The following FOXP2 variants were observed in gnomAD, a reference collection of about 807,000 sequenced individuals.
FOXP2 encodes the protein forkhead box P2, also known as forkhead box protein P2.
FOXP2 carries 12 observed loss-of-function variants against 115.8 expected under a neutral mutation model. The ratio of observed to expected loss-of-function variants is 0.10; its 90% CI spans 0.07 to 0.17. FOXP2 has a LOEUF of 0.17. Among genes scored for constraint, FOXP2 ranks in the 10% least tolerant of loss-of-function variants. The pLI is 1.00. For synonymous variants in FOXP2, 328 were observed against 297.7 expected (o/e 1.10, Z -1.05); for missense variants, 629 against 843.5 (o/e 0.75, Z 3.15).
intron 7 of FOXP2, among the ~76,000 whole-genome samples, chr7:114,643,452 G>A (rs1029450161): frequency 1.3e-5 from 2 of 151,996 alleles, no homozygotes; most frequent in Non-Finnish European, 2.9e-5. Flanking sequence ...GATGAAATAA[G>A]TAAATATATA....
chr7:114,146,344 A>G (rs1300703721), intron 1 of FOXP2, among the ~76,000 whole-genome samples: 1 of 152,250 alleles, frequency 6.6e-6, no homozygotes, highest in African/African-American at 2.4e-5. Context: ...TTTCCCTGAC[A>G]TATGACCCCG....
At chr7:114,434,948 G>C (rs1248601828) in intron 2 of FOXP2, among the ~76,000 whole-genome samples, 1 of 152,034 alleles carries the variant, frequency 6.6e-6, no homozygotes, top group Non-Finnish European at 1.5e-5. Flanking sequence ...GGCTCATGGA[G>C]AACCCAACCA....
intron 2 of FOXP2, among the ~76,000 whole-genome samples, chr7:114,473,914 G>A (rs1044785308): frequency 1.3e-5 from 2 of 151,798 alleles, no homozygotes; most frequent in African/African-American, 4.8e-5. Flanking sequence ...CTGAATGTCT[G>A]TAACAACAAC....
At chr7:114,633,647 T>G (rs1805044797) in intron 6 of FOXP2, among the ~76,000 whole-genome samples, 2 of 152,294 alleles carry the variant, frequency 1.3e-5, no homozygotes, top group South Asian at 4.1e-4. Flanking sequence ...ATTGTCTTGT[T>G]TTTTACGATT....
chr7:114,465,304 T>A (rs976273423), intron 2 of FOXP2, among the ~76,000 whole-genome samples: 6 of 152,108 alleles, frequency 3.9e-5, no homozygotes, highest in African/African-American at 1.4e-4. Context: ...AACTATTTTA[T>A]GAAAGAGAAT....
chr7:114,435,751 C>T (rs925167882), intron 2 of FOXP2, among the ~76,000 whole-genome samples: 2 of 152,110 alleles, frequency 1.3e-5, no homozygotes, highest in Non-Finnish European at 2.9e-5. Context: ...GTTGGCCAGG[C>T]TTGTCTCGAG....
At chr7:114,203,721 T>G (rs1297089627) in intron 1 of FOXP2, among the ~76,000 whole-genome samples, 1 of 152,206 alleles carries the variant, frequency 6.6e-6, no homozygotes, top group Non-Finnish European at 1.5e-5. Flanking sequence ...TCTTTTCTCC[T>G]TTCTACTGTT....
At position 114,213,624 on chromosome 7, in the gene FOXP2, A is replaced by G. The variant is rs184068849; in HGVS notation, c.-102+50536A>G. Among the ~76,000 whole-genome samples, 227 of 152,244 alleles carry G rather than the reference A, an allele frequency of 1.5e-3. 1 individual carries two copies. Among genetic ancestry groups the G allele is most frequent in the Middle Eastern group, 3.4e-3 (1 of 294 alleles). Reference sequence around the variant, plus strand: ...ATGTTTATAGCAATTTGAATTTGTCATTTTAAAAACTAAGTATTACTTCTG... The same window carrying G: ...ATGTTTATAGCAATTTGAATTTGTCGTTTTAAAAACTAAGTATTACTTCTG... On this transcript the variant is annotated intron_variant, in intron 1 of 17. Coordinates refer to the FOXP2 transcript ENST00000634411.
chr7:114,637,175 T>G (rs897034630), intron 6 of FOXP2, among the ~76,000 whole-genome samples: 2 of 152,258 alleles, frequency 1.3e-5, no homozygotes, highest in South Asian at 4.1e-4. Flanking sequence ...TAAGAATTAT[T>G]ATTAAGTTGT....
chr7:114,097,621 T>C (rs1318142583), intron 1 of FOXP2, among the ~76,000 whole-genome samples: 1 of 152,184 alleles, frequency 6.6e-6, no homozygotes, highest in African/African-American at 2.4e-5. Flanking sequence ...GTTAATACTT[T>C]CTAAGAATTT....
chr7:114,197,868 AT>A (rs767425079), intron 1 of FOXP2, among the ~76,000 whole-genome samples: 3,881 of 140,996 alleles, frequency 0.028, 51 homozygotes, highest in Middle Eastern at 0.046. Flanking sequence ...TTAATTTTTG[AT>A]TTTTTTTTTT....
chr7:114,533,434 A>G (rs1313147486), intron 2 of FOXP2, among the ~76,000 whole-genome samples: 1 of 151,934 alleles, frequency 6.6e-6, no homozygotes, highest in Non-Finnish European at 1.5e-5. Flanking sequence ...ACCAGCTGGC[A>G]GTGTAATGCC....
chr7:114,499,095 T>C, intron 2 of FOXP2: 1 of 545,792 alleles, frequency 1.8e-6, no homozygotes, highest in South Asian at 2.6e-5. Context: ...ACCCTGCAGG[T>C]AATTCTGATG....
chr7:114,689,324 A>T (rs1414266092), intron 16 of FOXP2, among the ~76,000 whole-genome samples: 5 of 151,090 alleles, frequency 3.3e-5, no homozygotes, highest in Non-Finnish European at 7.4e-5. Context: ...TGGAGAGTTT[A>T]AAAAAAAATA....
At chr7:114,267,222 A>G (rs1324261400) in intron 1 of FOXP2, among the ~76,000 whole-genome samples, 1 of 152,158 alleles carries the variant, frequency 6.6e-6, no homozygotes, top group East Asian at 1.9e-4. Flanking sequence ...AGCTTTCTAG[A>G]TCCTAAAGAA....
chr7:114,189,794 C>T (rs570214764), intron 1 of FOXP2, among the ~76,000 whole-genome samples: 32 of 152,136 alleles, frequency 2.1e-4, no homozygotes, highest in Admixed American at 5.2e-4. Context: ...ACTAGGTGCC[C>T]GGTGGTTCCA....
At chr7:114,467,076 T>C (rs969275924) in intron 2 of FOXP2, among the ~76,000 whole-genome samples, 1 of 152,196 alleles carries the variant, frequency 6.6e-6, no homozygotes, top group African/African-American at 2.4e-5. Context: ...AGGTGGTTTC[T>C]CTTTTTCCAT....
chr7:114,102,269 T>C (rs1038563809), intron 1 of FOXP2, among the ~76,000 whole-genome samples: 10 of 152,026 alleles, frequency 6.6e-5, no homozygotes, highest in Admixed American at 5.2e-4. Flanking sequence ...TATTTTACTT[T>C]AGTAATTCAT....
intron 1 of FOXP2, among the ~76,000 whole-genome samples, chr7:114,261,762 T>C (rs1430716256): frequency 6.6e-6 from 1 of 152,236 alleles, no homozygotes. Flanking sequence ...CATTATCTTC[T>C]ATCCTTAGAA....
Sources: allele counts gnomAD v4.1 joint callset (sites outside exome capture counted in the v4.1 genomes callset), GRCh38; gene constraint gnomAD v4.1.1; transcripts MANE v1.5; gene names NCBI Gene and HGNC (gene_info 2026-07-23, HGNC 2026-07-21).